Variants in CAMK1D observed in about 807,000 individuals in gnomAD.
CAMK1D encodes calcium/calmodulin dependent protein kinase ID.
Under a neutral mutation model 47.7 loss-of-function variants are expected in CAMK1D, and 9 were observed. The ratio of observed to expected loss-of-function variants is 0.19; its 90% CI spans 0.11 to 0.33. CAMK1D has a LOEUF of 0.33. CAMK1D is among the 10% of genes least tolerant of loss of function. CAMK1D has a pLI of 1.00. For synonymous variants in CAMK1D, 184 were observed against 184.9 expected, an observed-to-expected ratio of 0.99 and a Z score of 0.04; for missense variants, 291 against 488.7, an observed-to-expected ratio of 0.60 and a Z score of 3.81.
intron 2 of CAMK1D, among the ~76,000 whole-genome samples, chr10:12,661,216 A>G (rs1840265108): frequency 6.6e-6 from 1 of 152,224 alleles, no homozygotes; most frequent in Non-Finnish European, 1.5e-5. Context: ...ACAGAAGTGG[A>G]TATTATATTG....
At chr10:12,480,855 C>T (rs12776256) in intron 1 of CAMK1D, among the ~76,000 whole-genome samples, 21,125 of 152,180 alleles carry the variant, frequency 0.14, 1,554 homozygotes, top group Non-Finnish European at 0.17. Flanking sequence ...GAGATGCAAG[C>T]ATGAAACTGC....
intron 1 of CAMK1D, among the ~76,000 whole-genome samples, chr10:12,384,488 A>G (rs1838432831): frequency 6.6e-6 from 1 of 152,258 alleles, no homozygotes; most frequent in Non-Finnish European, 1.5e-5. Context: ...CCTGGTGTAT[A>G]GATCAGTGGA....
At chr10:12,514,780 T>C (rs1040214601) in intron 1 of CAMK1D, among the ~76,000 whole-genome samples, 1 of 152,274 alleles carries the variant, frequency 6.6e-6, no homozygotes, top group African/African-American at 2.4e-5. Context: ...TCTAATACAA[T>C]GTGTGGTACA....
chr10:12,616,669 C>CTA (rs1838832864), intron 2 of CAMK1D, among the ~76,000 whole-genome samples: 4 of 150,986 alleles, frequency 2.6e-5, no homozygotes, highest in Admixed American at 2.6e-4. Flanking sequence ...AGGCGCCCGC[C>CTA]ACTAAGCCCG....
chr10:12,626,255 A>C (rs148798197), intron 2 of CAMK1D, among the ~76,000 whole-genome samples: 1 of 152,174 alleles, frequency 6.6e-6, no homozygotes, highest in Non-Finnish European at 1.5e-5. Flanking sequence ...ATTTAATAAC[A>C]TGAACATTCT....
chr10:12,720,179 G>T (rs5002377), intron 3 of CAMK1D, among the ~76,000 whole-genome samples: 1 of 152,298 alleles, frequency 6.6e-6, no homozygotes, highest in East Asian at 1.9e-4. Flanking sequence ...CCACTCAAAC[G>T]CTTTTCCATC....
At chr10:12,454,828 C>T (rs1272577630) in intron 1 of CAMK1D, among the ~76,000 whole-genome samples, 9 of 152,212 alleles carry the variant, frequency 5.9e-5, no homozygotes, top group East Asian at 3.8e-4. Context: ...ACTGGCTGTC[C>T]GCGCTCAGGT....
rs142119341 is a variant in CAMK1D at position 12,800,581 on chromosome 10, T to A, written c.641+9348T>A. On this transcript the variant is annotated intron_variant, in intron 6 of 10. Transcript: ENST00000619168. Reference sequence around the variant, plus strand: ...TTTGCTCGTGTTTTTCAGACCCCCATTGGGCCTGGGTTGGCCTTGAAGCTT... The same window carrying A: ...TTTGCTCGTGTTTTTCAGACCCCCAATGGGCCTGGGTTGGCCTTGAAGCTT... 5.9e-3 allele frequency among the ~76,000 whole-genome samples: 901 copies of A among 152,342 alleles called. 8 individuals are homozygous for A. Among genetic ancestry groups the A allele is most frequent in the African/African-American group, 0.021 (854 of 41,578 alleles).
chr10:12,365,867 ACAT>A (rs1283289097), intron 1 of CAMK1D, among the ~76,000 whole-genome samples: 1 of 152,010 alleles, frequency 6.6e-6, no homozygotes, highest in African/African-American at 2.4e-5. Context: ...AGTCTGGCCA[ACAT>A]GGTGAAACCC....
At chr10:12,807,752 C>G (rs1011557821) in intron 6 of CAMK1D, among the ~76,000 whole-genome samples, 15 of 152,222 alleles carry the variant, frequency 9.9e-5, no homozygotes, top group African/African-American at 3.6e-4. Context: ...CCGTCCTACA[C>G]CAGATCTGCC....
intron 1 of CAMK1D, among the ~76,000 whole-genome samples, chr10:12,444,622 C>A (rs1832877631): frequency 6.6e-6 from 1 of 152,130 alleles, no homozygotes; most frequent in Non-Finnish European, 1.5e-5. Flanking sequence ...AAAGCCAGAA[C>A]AATTTGAAGC....
At chr10:12,666,066 T>C (rs1588756426) in intron 2 of CAMK1D, among the ~76,000 whole-genome samples, 1 of 152,226 alleles carries the variant, frequency 6.6e-6, no homozygotes, top group Non-Finnish European at 1.5e-5. Flanking sequence ...ATAATTTGCA[T>C]TCCTGCTAAG....
rs1834330988 is a variant in CAMK1D, at chr10:12,720,549, CGTGGTAGATAAGACT to C, written c.300-40396_300-40382del. ...TAAGGGTAATAAGATCTAGAGATGA[CGTGGTAGATAAGACT>C]GTTGACACATTCTCTAATCTTAGCT... On this transcript the variant is annotated intron_variant, in intron 3 of 10. Coordinates refer to ENST00000619168, the MANE Select transcript of CAMK1D (RefSeq NM_153498.4). Among the ~76,000 whole-genome samples, 6 of 152,256 alleles carry C rather than the reference CGTGGTAGATAAGACT, an allele frequency of 3.9e-5. No homozygotes were observed. The South Asian group carries it at 1.2e-3, about 32-fold the overall frequency.
intron 2 of CAMK1D, among the ~76,000 whole-genome samples, chr10:12,584,981 TCA>T (rs1837773105): frequency 6.6e-6 from 1 of 151,994 alleles, no homozygotes; most frequent in African/African-American, 2.4e-5. Flanking sequence ...AATAAGCAAG[TCA>T]CATATAGATT....
intron 1 of CAMK1D, among the ~76,000 whole-genome samples, chr10:12,548,089 A>G (rs535169825): frequency 4.6e-5 from 7 of 152,312 alleles, no homozygotes; most frequent in South Asian, 2.1e-4. Flanking sequence ...CCTCGGAGGC[A>G]GTAGGAAACC....
chr10:12,386,322 C>T (rs1179298660), intron 1 of CAMK1D, among the ~76,000 whole-genome samples: 1 of 151,932 alleles, frequency 6.6e-6, no homozygotes, highest in African/African-American at 2.4e-5. Flanking sequence ...GCCTATGGTC[C>T]CAGCTACTCT....
chr10:12,436,157 A>T (rs918676344), intron 1 of CAMK1D, among the ~76,000 whole-genome samples: 1 of 152,180 alleles, frequency 6.6e-6, no homozygotes, highest in Admixed American at 6.5e-5. Context: ...CTGTGACTCA[A>T]GCCTGTCCTT....
At chr10:12,812,712 T>C (rs1172719599) in intron 6 of CAMK1D, among the ~76,000 whole-genome samples, 2 of 152,174 alleles carry the variant, frequency 1.3e-5, no homozygotes, top group African/African-American at 4.8e-5. Context: ...GCATTGCCCC[T>C]GGCCTTCTGG....
rs1458163515 is a variant in CAMK1D, at chr10:12,835,276, C to G, written c.*6389C>G. On this transcript the variant is annotated 3_prime_UTR_variant, in exon 11 of 11. Transcript: ENST00000619168. ...AAAACCAGGAATGTCCCCGCATCTA[C>G]TATTACCAGGCTTGCAATTGGTTCA... 6.6e-6 allele frequency: 1 copy of G among 152,186 alleles called. No individual in the cohort carries two copies. The highest frequency in any genetic ancestry group is 6.5e-5 in the Admixed American group (1 of 15,274). 9.4% of individuals were successfully genotyped at this position (152,186 alleles called of 1,614,324 possible).
Sources: gnomAD v4.1 joint callset for allele counts (sites outside exome capture counted in the v4.1 genomes callset) on GRCh38, gnomAD v4.1.1 for gene constraint, MANE v1.5 for transcripts, NCBI Gene and HGNC (gene_info 2026-07-23, HGNC 2026-07-21) for gene names.